Variants in GSE1 observed in about 807,000 individuals in gnomAD.
The protein encoded by GSE1 is Gse1 coiled-coil protein, also known as genetic suppressor element 1.
A neutral mutation model predicts 112.6 loss-of-function variants in GSE1; 32 were observed. The ratio of observed to expected loss-of-function variants is 0.28; its 90% CI spans 0.21 to 0.38. The LOEUF (loss-of-function observed/expected upper bound fraction) is 0.38. Among genes scored for constraint, GSE1 ranks in the 10% least tolerant of loss-of-function variants. The pLI is 1.00. For missense variants in GSE1, 2,348 were observed against 1,699.2 expected, an observed-to-expected ratio of 1.38 and a Z score of -6.71; for synonymous variants, 1,115 against 735.6, an observed-to-expected ratio of 1.52 and a Z score of -8.35.
At chr16:85,607,504 G>A (rs866076403), upstream of GSE1, among the ~76,000 whole-genome samples, 6 of 152,200 alleles carry the variant, frequency 3.9e-5, no homozygotes, top group South Asian at 4.1e-4. Context: ...TGCGGGGTGC[G>A]GATTGGAACC....
intron 1 of GSE1, among the ~76,000 whole-genome samples, chr16:85,302,367 T>C (rs2045551279): frequency 6.6e-6 from 1 of 152,088 alleles, no homozygotes; most frequent in Non-Finnish European, 1.5e-5. Flanking sequence ...TTCGTCATTG[T>C]GTTAAGCAAG....
At chr16:85,189,542 C>T (rs1191612655) in intron 1 of GSE1, among the ~76,000 whole-genome samples, 1 of 152,182 alleles carries the variant, frequency 6.6e-6, no homozygotes, top group African/African-American at 2.4e-5. Flanking sequence ...AAGTATATGT[C>T]TTTAAAAACC....
chr16:85,331,383 G>GTATATATATGTATATATATATGTA (rs2046345615), intron 1 of GSE1, among the ~76,000 whole-genome samples: 1 of 115,760 alleles, frequency 8.6e-6, no homozygotes, highest in East Asian at 2.7e-4. Flanking sequence ...GTATATATAT[G>GTATATATATGTATATATATATGTA]TATATATATG....
chr16:85,260,846 G>A (rs1460732426), intron 1 of GSE1, among the ~76,000 whole-genome samples: 1 of 152,234 alleles, frequency 6.6e-6, no homozygotes, highest in Non-Finnish European at 1.5e-5. Context: ...CGCATGGGGC[G>A]TGGCACTGAG....
At chr16:85,478,877 TTCTTTCTTTC>T (rs1567520383) in intron 2 of GSE1, among the ~76,000 whole-genome samples, 2 of 56,328 alleles carry the variant, frequency 3.6e-5, no homozygotes, top group East Asian at 3.6e-4. Context: ...CTTTCTTTCT[TTCTTTCTTTC>T]TTTCTTTCTT....
At chr16:85,286,424 C>T (rs957152805) in intron 1 of GSE1, among the ~76,000 whole-genome samples, 1 of 152,240 alleles carries the variant, frequency 6.6e-6, no homozygotes, top group African/African-American at 2.4e-5. Flanking sequence ...ATTGCTGCCG[C>T]AGTCCGTGTT....
intron 1 of GSE1, among the ~76,000 whole-genome samples, chr16:85,174,512 G>C (rs1233853029): frequency 2.6e-5 from 4 of 152,206 alleles, no homozygotes; most frequent in Non-Finnish European, 5.9e-5. Flanking sequence ...GCAGCCTTCT[G>C]GTCTTCCGTC....
upstream of GSE1, chr16:85,613,192 T>G: frequency 1.4e-6 from 2 of 1,411,598 alleles, no homozygotes; most frequent in Non-Finnish European, 1.8e-6. Context: ...GGCCCGGGAG[T>G]GGGCGGCGTT....
chr16:85,622,009 G>A (rs2048772269), intron 1 of GSE1, among the ~76,000 whole-genome samples: 1 of 152,212 alleles, frequency 6.6e-6, no homozygotes, highest in African/African-American at 2.4e-5. Flanking sequence ...ACCTGACTGG[G>A]AAATTTACTA....
At chr16:85,350,672 T>C (rs2046834533) in intron 1 of GSE1, among the ~76,000 whole-genome samples, 1 of 152,218 alleles carries the variant, frequency 6.6e-6, no homozygotes, top group Non-Finnish European at 1.5e-5. Context: ...TCTTAGTTCA[T>C]GGGATCAGCT....
chr16:85,331,227 A>G (rs2046333256), intron 1 of GSE1, among the ~76,000 whole-genome samples: 1 of 149,992 alleles, frequency 6.7e-6, no homozygotes, highest in South Asian at 2.1e-4. Context: ...ATATCGGCTC[A>G]CTGCAACCTC....
At chr16:85,672,236 C>T (rs1406946018) in intron 15 of GSE1, 169 bp from the exon 16 acceptor site, 1 of 606,384 alleles carries the variant, frequency 1.6e-6, no homozygotes, top group Non-Finnish European at 3.0e-6. Flanking sequence ...GACAGGTGAT[C>T]TGCCCGCCTC....
At position 85,657,483 on chromosome 16, in the gene GSE1, GAGA is replaced by G. The variant is rs1302316473; in HGVS notation, c.1522_1524del (p.Lys508del). On this transcript the variant is annotated inframe_deletion, in exon 8 of 16. Transcript: ENST00000253458. ...GGCGCGGCAGCGGCGGCTGCGGCAG[GAGA>G]AGGAGGACCGGCAGTCTCAGGTGTC... 12 of 1,607,762 alleles carry G rather than the reference GAGA, an allele frequency of 7.5e-6. No homozygotes were observed. The highest frequency in any genetic ancestry group is 7.6e-6 in the Non-Finnish European group (9 of 1,177,778).
chr16:85,255,286 C>A (rs1321076931), intron 1 of GSE1, among the ~76,000 whole-genome samples: 2 of 152,162 alleles, frequency 1.3e-5, no homozygotes, highest in Non-Finnish European at 2.9e-5. Flanking sequence ...GCTTGGGAGG[C>A]CTGAAAGCCC....
chr16:85,593,190 TGTG>T (rs943526064), intron 1 of GSE1: 1 of 152,248 alleles, frequency 6.6e-6, no homozygotes, highest in Non-Finnish European at 1.5e-5. Context: ...AGTGGGTCAT[TGTG>T]GTGGCTGCCG....
intron 2 of GSE1, among the ~76,000 whole-genome samples, chr16:85,413,248 C>T (rs543776906): frequency 1.8e-4 from 27 of 152,304 alleles, no homozygotes; most frequent in African/African-American, 5.5e-4. Context: ...CCATCTCCCA[C>T]GAGAGTGTGG....
intron 2 of GSE1, among the ~76,000 whole-genome samples, chr16:85,426,314 G>C (rs1286880668): frequency 4.7e-5 from 7 of 149,628 alleles, no homozygotes; most frequent in African/African-American, 1.2e-4. Context: ...AGGAAGGAAG[G>C]GTGGGTGGGT....
At chr16:85,172,274 CT>C (rs1489794807) in intron 1 of GSE1, among the ~76,000 whole-genome samples, 1 of 152,216 alleles carries the variant, frequency 6.6e-6, no homozygotes, top group East Asian at 1.9e-4. Flanking sequence ...TGTGGCTTGG[CT>C]TTTCCAGAGT....
intron 3 of GSE1, among the ~76,000 whole-genome samples, chr16:85,652,459 G>A (rs555815023): frequency 1.3e-5 from 2 of 152,326 alleles, no homozygotes; most frequent in Non-Finnish European, 2.9e-5. Flanking sequence ...GTCAGAAGTC[G>A]TGAACCCAGG....
Sources: allele counts gnomAD v4.1 joint callset (sites outside exome capture counted in the v4.1 genomes callset), GRCh38; gene constraint gnomAD v4.1.1; transcripts MANE v1.5; gene names NCBI Gene and HGNC (gene_info 2026-07-23, HGNC 2026-07-21).